FNBP1: variants seen among roughly 807,000 people sequenced by gnomAD.
FNBP1 encodes the protein formin binding protein 1.
In FNBP1, 26 loss-of-function variants were observed where a neutral mutation model predicts 90.6. That is an observed-to-expected ratio of 0.29 (90% CI 0.21 to 0.40). The LOEUF (loss-of-function observed/expected upper bound fraction) is 0.40. FNBP1 is among the 10% of genes least tolerant of loss of function. FNBP1 has a pLI of 1.00. For missense variants in FNBP1, 635 were observed against 768.0 expected (o/e 0.83, Z 2.05); for synonymous variants, 260 against 265.2 (o/e 0.98, Z 0.19).
intron 1 of FNBP1, among the ~76,000 whole-genome samples, chr9:130,012,443 A>G (rs1354255120): frequency 2.0e-5 from 3 of 152,184 alleles, no homozygotes; most frequent in Non-Finnish European, 2.9e-5. Flanking sequence ...GCTGTTCAAT[A>G]AGAGGTACGG....
chr9:129,981,545 T>C (rs2130963176), intron 2 of FNBP1, among the ~76,000 whole-genome samples: 1 of 152,312 alleles, frequency 6.6e-6, no homozygotes, highest in South Asian at 2.1e-4. Context: ...AAATATGTGA[T>C]AATCAATTTA....
At chr9:129,944,130 T>C (rs2044808834) in intron 6 of FNBP1, among the ~76,000 whole-genome samples, 1 of 152,018 alleles carries the variant, frequency 6.6e-6, no homozygotes, top group Non-Finnish European at 1.5e-5. Context: ...CATCCTTCTC[T>C]CTCCAGTCTG....
intron 4 of FNBP1, among the ~76,000 whole-genome samples, chr9:129,965,302 T>G (rs1403386621): frequency 6.6e-6 from 1 of 152,180 alleles, no homozygotes; most frequent in Admixed American, 6.5e-5. Context: ...TTATCCATAG[T>G]AAAAATACCT....
chr9:129,923,972 C>T lies in FNBP1; in HGVS notation c.1042G>A (p.Ala348Thr), dbSNP rs776605549. ...HQPPPPPPAS[A>T]SPSAVPNGPQ... ...CCGTTGGGAACAGCAGAGGGTGAGG[C>T]AGAGGCAGGAGGGGGAGGGGGAGGC... The change falls in exon 10 of 17, where the codon GCC becomes ACC. Residue 348 changes from alanine to threonine, a missense_variant. Coordinates refer to ENST00000446176, the MANE Select transcript of FNBP1 (RefSeq NM_015033.3). 1.8e-5 allele frequency: 26 copies of T among 1,466,890 alleles called. No individual in the cohort carries two copies. The highest frequency in any genetic ancestry group is 2.2e-5 in the Non-Finnish European group (25 of 1,116,796). 90.9% of individuals were successfully genotyped at this position (1,466,890 alleles called of 1,614,324 possible).
chr9:129,995,188 C>A (rs2053791364), intron 1 of FNBP1, among the ~76,000 whole-genome samples: 1 of 152,042 alleles, frequency 6.6e-6, no homozygotes, highest in Admixed American at 6.6e-5. Context: ...TTTCCTATTC[C>A]TTTTAGAAAC....
chr9:129,994,428 G>A (rs1018696577), intron 2 of FNBP1, among the ~76,000 whole-genome samples: 3 of 151,574 alleles, frequency 2.0e-5, no homozygotes, highest in Admixed American at 1.3e-4. Context: ...GAGCTGGAGG[G>A]GGCCAGGGGG....
chr9:129,910,682 A>G (rs963543508), intron 11 of FNBP1, among the ~76,000 whole-genome samples: 9 of 152,042 alleles, frequency 5.9e-5, no homozygotes, highest in African/African-American at 9.7e-5. Context: ...AGCAGCTTAC[A>G]TGTGGGCTTA....
intron 12 of FNBP1, among the ~76,000 whole-genome samples, chr9:129,907,134 C>T (rs1051123185): frequency 2.6e-5 from 4 of 151,240 alleles, no homozygotes; most frequent in African/African-American, 7.3e-5. Flanking sequence ...AGCCTTGTAA[C>T]ACCAGTTTCC....
At chr9:130,034,132 T>C (rs1233412623) in intron 1 of FNBP1, among the ~76,000 whole-genome samples, 1 of 151,278 alleles carries the variant, frequency 6.6e-6, no homozygotes, top group Non-Finnish European at 1.5e-5. Flanking sequence ...CCATCCTGGC[T>C]AACACTGTGA....
At chr9:129,972,711 T>C (rs1391311074) in intron 4 of FNBP1, among the ~76,000 whole-genome samples, 1 of 152,130 alleles carries the variant, frequency 6.6e-6, no homozygotes, top group Non-Finnish European at 1.5e-5. Flanking sequence ...TTTGTATTTT[T>C]AGTAGAGACA....
At chr9:129,965,708 GCACA>G (rs5900877) in intron 4 of FNBP1, among the ~76,000 whole-genome samples, 2 of 145,446 alleles carry the variant, frequency 1.4e-5, no homozygotes, top group African/African-American at 2.5e-5. Context: ...GCGCGCGCGC[GCACA>G]CACACACACA....
At chr9:130,022,957 G>A (rs1490717703) in intron 1 of FNBP1, among the ~76,000 whole-genome samples, 1 of 151,790 alleles carries the variant, frequency 6.6e-6, no homozygotes, top group African/African-American at 2.4e-5. Flanking sequence ...GACTAGCCTG[G>A]GCAACAAAGC....
chr9:129,996,095 A>C (rs988042150), intron 1 of FNBP1, among the ~76,000 whole-genome samples: 1 of 152,206 alleles, frequency 6.6e-6, no homozygotes, highest in Non-Finnish European at 1.5e-5. Context: ...CCCGGAATTA[A>C]ACAGAAGATC....
chr9:129,931,755 G>A (rs552272610), intron 6 of FNBP1, among the ~76,000 whole-genome samples: 15 of 151,556 alleles, frequency 9.9e-5, no homozygotes, highest in South Asian at 4.2e-4. Context: ...CTGTGACTGC[G>A]CCACTGCACT....
At chr9:129,929,307 G>A (rs2042369938) in intron 7 of FNBP1, among the ~76,000 whole-genome samples, 1 of 150,138 alleles carries the variant, frequency 6.7e-6, no homozygotes, top group Non-Finnish European at 1.5e-5. Flanking sequence ...CTACTCGGGA[G>A]GCTGAGGCAG....
At chr9:129,946,321 C>T (rs2045286165) in intron 6 of FNBP1, among the ~76,000 whole-genome samples, 1 of 152,254 alleles carries the variant, frequency 6.6e-6, no homozygotes, top group African/African-American at 2.4e-5. Flanking sequence ...TATTCAAAGC[C>T]AAATACTTCG....
chr9:130,017,218 A>G (rs1248537341), intron 1 of FNBP1, among the ~76,000 whole-genome samples: 3 of 152,232 alleles, frequency 2.0e-5, no homozygotes, highest in Non-Finnish European at 4.4e-5. Flanking sequence ...TCTCTAGTAC[A>G]TGGCTGCCTT....
At chr9:129,987,306 G>A (rs1246109385) in intron 2 of FNBP1, among the ~76,000 whole-genome samples, 1 of 152,052 alleles carries the variant, frequency 6.6e-6, no homozygotes, top group Non-Finnish European at 1.5e-5. Context: ...GTAGAGAGAA[G>A]TGCTGAGATG....
At chr9:129,903,861 A>G (rs1588413078) in intron 12 of FNBP1, among the ~76,000 whole-genome samples, 1 of 151,564 alleles carries the variant, frequency 6.6e-6, no homozygotes, top group Non-Finnish European at 1.5e-5. Flanking sequence ...ACATGGTGAA[A>G]CCCCGTCTCT....
Sources: gnomAD v4.1 joint callset for allele counts (sites outside exome capture counted in the v4.1 genomes callset) on GRCh38, gnomAD v4.1.1 for gene constraint, MANE v1.5 for transcripts, NCBI Gene and HGNC (gene_info 2026-07-23, HGNC 2026-07-21) for gene names.